The following LOXL1 variants were observed in gnomAD, a reference collection of about 807,000 sequenced individuals.
LOXL1 encodes lysyl oxidase homolog 1.
Under a neutral mutation model 62.2 loss-of-function variants are expected in LOXL1, and 31 were observed. That is an observed-to-expected ratio of 0.50 (90% confidence interval 0.37 to 0.67). The LOEUF (loss-of-function observed/expected upper bound fraction) is 0.67. Among genes scored for constraint, LOXL1 ranks in the 30% least tolerant of loss-of-function variants. The pLI, the probability that LOXL1 is intolerant of heterozygous loss-of-function variation, is 0.00. For missense variants in LOXL1, 775 were observed against 843.4 expected, an observed-to-expected ratio of 0.92 and a Z score of 1.00; for synonymous variants, 403 against 384.4, an observed-to-expected ratio of 1.05 and a Z score of -0.56.
Position 73,927,289 on chromosome 15 carries a change from A to G in LOXL1, c.506A>G (p.Gln169Arg), listed in dbSNP as rs1438373250. The G allele has an allele frequency of 6.2e-7, 1 of 1,603,234 alleles. No individual in the cohort carries two copies. Among genetic ancestry groups the G allele is most frequent in the Non-Finnish European group, 8.5e-7 (1 of 1,177,236 alleles). ...TCGGCCTTCGCCAGCACCTACCGCCAGCAGCCCTCCTACCCGCAGCAGTTC... is the reference window on the plus strand; with the variant it reads ...TCGGCCTTCGCCAGCACCTACCGCCGGCAGCCCTCCTACCCGCAGCAGTTC... ...SASAFASTYRQQPSYPQQFPY... is the reference protein window; with the variant it reads ...SASAFASTYRRQPSYPQQFPY... Residue 169 changes from glutamine (Q) to arginine (R), a missense_variant, in exon 1 of 7, where the codon CAG (glutamine) becomes CGG (arginine). Coordinates refer to ENST00000261921, the MANE Select transcript of LOXL1 (RefSeq NM_005576.4).
chr15:73,934,212 G>A (rs979129145), intron 1 of LOXL1, among the ~76,000 whole-genome samples: 4 of 152,216 alleles, frequency 2.6e-5, no homozygotes, highest in African/African-American at 4.8e-5. Flanking sequence ...TCTGGGAATC[G>A]ATTCCAGACC....
chr15:73,943,130 C>T (rs969557697), intron 2 of LOXL1, among the ~76,000 whole-genome samples, 168 bp downstream of exon 2: 2 of 152,138 alleles, frequency 1.3e-5, no homozygotes, highest in Admixed American at 6.5e-5. Flanking sequence ...TTGCCTGCCC[C>T]GAGGGAGTCA....
chr15:73,937,075 C>T (rs1191178892), intron 1 of LOXL1, among the ~76,000 whole-genome samples: 4 of 152,216 alleles, frequency 2.6e-5, no homozygotes, highest in Admixed American at 2.0e-4. Flanking sequence ...TCTGGAGCTT[C>T]CCCCCTGAGA....
intron 1 of LOXL1, among the ~76,000 whole-genome samples, chr15:73,938,962 T>C (rs2068695064): frequency 6.6e-6 from 1 of 152,182 alleles, no homozygotes; most frequent in African/African-American, 2.4e-5. Context: ...TTAAAATGCA[T>C]ACTTTTTGAG....
At chr15:73,941,933 C>A in intron 1 of LOXL1, 1 of 259,604 alleles carries the variant, frequency 3.9e-6, no homozygotes, top group Non-Finnish European at 8.6e-6. Context: ...AGGAACAGGA[C>A]GGACAGGCCC....
In LOXL1 at chr15:73,945,956, A is replaced by G. The variant is rs905823980; in HGVS notation, c.1212-461A>G. 3.9e-5 allele frequency among the ~76,000 whole-genome samples: 6 copies of G among 152,168 alleles called. No homozygotes were observed. Among genetic ancestry groups the G allele is most frequent in the African/African-American group, 9.7e-5 (4 of 41,432 alleles). On this transcript the variant is annotated intron_variant, in intron 2 of 6. Transcript: ENST00000261921. The surrounding 1 kb of genome is among the most constrained non-coding windows in gnomAD (Gnocchi z 4.3). ...ATGTTGCCCAGGCTGGTCTCAAACT[A>G]TGGGCCTCAAGTGATCCTCCTGCCT... is the stretch of plus-strand genomic sequence containing the variant.
At chr15:73,936,932 A>T (rs1397864815) in intron 1 of LOXL1, among the ~76,000 whole-genome samples, 1 of 152,252 alleles carries the variant, frequency 6.6e-6, no homozygotes, top group Admixed American at 6.5e-5. Flanking sequence ...AAAGTATTTT[A>T]ATCTCCAAGT....
intron 4 of LOXL1, 109 bp downstream of exon 4, chr15:73,947,332 T>C: frequency 3.2e-6 from 4 of 1,265,218 alleles, no homozygotes; most frequent in Non-Finnish European, 4.4e-6. Flanking sequence ...GCCACTCAGC[T>C]CTGCTCACAG....
chr15:73,937,475 A>C (rs1338056693), intron 1 of LOXL1, among the ~76,000 whole-genome samples: 2 of 152,190 alleles, frequency 1.3e-5, no homozygotes, highest in Admixed American at 1.3e-4. Context: ...CCAGCCGAGC[A>C]TCCTGGCTTT....
At chr15:73,939,008 C>T (rs16958494) in intron 1 of LOXL1, among the ~76,000 whole-genome samples, 5,992 of 152,230 alleles carry the variant, frequency 0.039, 285 homozygotes, top group East Asian at 0.24. Flanking sequence ...AATAACTGGA[C>T]TTCACCCAAC....
chr15:73,935,240 G>A (rs1014337347), intron 1 of LOXL1, among the ~76,000 whole-genome samples: 2 of 152,202 alleles, frequency 1.3e-5, no homozygotes, highest in Non-Finnish European at 2.9e-5. Context: ...ACCGACAGGA[G>A]GCTGTTCCAG....
rs1002491142 is a variant in LOXL1, at chr15:73,945,691, T to C, written c.1212-726T>C. On this transcript the variant is annotated intron_variant, in intron 2 of 6. Coordinates refer to ENST00000261921, the MANE Select transcript of LOXL1 (RefSeq NM_005576.4). This position sits in a 1 kb window ranked among gnomAD's most constrained non-coding sequence, Gnocchi z 4.3. ...GCTCTGTCTTGTTGTCAGAGACTTA[T>C]CAGAATCTCCTGGATAGGACTTTTT... Among the ~76,000 whole-genome samples the C allele has an allele frequency of 6.6e-6, 1 of 151,964 alleles. No individual in the cohort carries two copies. The highest frequency in any genetic ancestry group is 1.5e-5 in the Non-Finnish European group (1 of 67,992).
chr15:73,949,623 G>A lies in LOXL1; in HGVS notation c.1718+49G>A, dbSNP rs113550825. The stretch of plus-strand genomic sequence containing the variant: ...CCTGGCTCCGTCCCTTTCCTGCCTG[G>A]GGAGCAGGCAAGGCCACCTGAGATA... On this transcript the variant is annotated intron_variant, in intron 6 of 6. Coordinates refer to ENST00000261921, the MANE Select transcript of LOXL1 (RefSeq NM_005576.4). 1.4e-3 allele frequency: 1,883 copies of A among 1,355,582 alleles called. 20 individuals are homozygous for A. The African/African-American group carries it at 0.023, about 17-fold the overall frequency. 84.0% of individuals were successfully genotyped at this position (1,355,582 alleles called of 1,614,324 possible).
At chr15:73,943,854 T>C (rs2068731106) in intron 2 of LOXL1, among the ~76,000 whole-genome samples, 1 of 152,210 alleles carries the variant, frequency 6.6e-6, no homozygotes, top group Non-Finnish European at 1.5e-5. Context: ...ATCTCAACAT[T>C]TTCTCATTTC....
At chr15:73,944,058 A>G (rs565402614) in intron 2 of LOXL1, among the ~76,000 whole-genome samples, 1 of 152,328 alleles carries the variant, frequency 6.6e-6, no homozygotes, top group Non-Finnish European at 1.5e-5. Context: ...ATTCTGGTGC[A>G]AGTTCCCAAT....
At position 73,926,856 on chromosome 15, in the gene LOXL1, G is replaced by A. The variant is rs1360530917; in HGVS notation, c.73G>A (p.Gly25Arg). 2 of 1,546,268 alleles carry A rather than the reference G, an allele frequency of 1.3e-6. No individual in the cohort carries two copies. The highest frequency in any genetic ancestry group is 2.4e-5 in the East Asian group (1 of 40,988). Reference sequence around the variant, plus strand: ...CGCCTGCCTGTGCGTGCTGGTGCACGGGCAGCAGGCGCAGCCCGGGCAGGG... The same window carrying A: ...CGCCTGCCTGTGCGTGCTGGTGCACAGGCAGCAGGCGCAGCCCGGGCAGGG... ...WGACLCVLVH[G>R]QQAQPGQGSD... is the part of the protein sequence containing the mutation. The change falls in exon 1 of 7, where the codon GGG becomes AGG. Residue 25 changes from glycine (G) to arginine (R), a missense_variant. Gly to Arg is a moderately radical substitution (Grantham distance 125). Coordinates refer to ENST00000261921, the MANE Select transcript of LOXL1 (RefSeq NM_005576.4).
chr15:73,944,165 G>A (rs1162197595), intron 2 of LOXL1, among the ~76,000 whole-genome samples: 2 of 152,172 alleles, frequency 1.3e-5, no homozygotes. Context: ...TTCTTGTCTT[G>A]TTTCAGTTGT....
chr15:73,939,752 T>C (rs1318295827), intron 1 of LOXL1, among the ~76,000 whole-genome samples: 4 of 152,138 alleles, frequency 2.6e-5, no homozygotes, highest in Non-Finnish European at 4.4e-5. Context: ...GTGTATAGAG[T>C]ACAGCTCAAA....
intron 2 of LOXL1, 32 bp from the exon 3 acceptor site, chr15:73,946,385 A>ACCCC: frequency 1.4e-6 from 2 of 1,458,058 alleles, no homozygotes; most frequent in Non-Finnish European, 9.5e-7. Flanking sequence ...CTGTGCCCCA[A>ACCCC]CCCCCCCTCA....
Sources: gnomAD v4.1 joint callset for allele counts (sites outside exome capture counted in the v4.1 genomes callset) on GRCh38, gnomAD v4.1.1 for gene constraint, Gnocchi (gnomAD v3.1) non-coding constraint, MANE v1.5 for transcripts, NCBI Gene and HGNC (gene_info 2026-07-23, HGNC 2026-07-21) for gene names.